The following HEMK2 variants were observed in gnomAD, a reference collection of about 807,000 sequenced individuals.
HEMK2 encodes the protein HemK methyltransferase 2, ETF1 glutamine and histone H4 lysine, also known as methyltransferase HEMK2.
the HEMK2 span, among the ~76,000 whole-genome samples, chr21:28,877,326 A>AAGAG: frequency 1.6e-3 from 205 of 129,380 alleles, 6 homozygotes; most frequent in African/African-American, 5.0e-3. Flanking sequence ...GAAAGAAAGA[A>AAGAG]AAAGAAAGAA....
chr21:28,858,088 TC>T, the HEMK2 span, among the ~76,000 whole-genome samples: 1 of 152,214 alleles, frequency 6.6e-6, no homozygotes, highest in Admixed American at 6.5e-5. Context: ...TACCACATGC[TC>T]CTTTCTTTTT....
the HEMK2 span, among the ~76,000 whole-genome samples, chr21:28,881,685 G>A: frequency 6.9e-6 from 1 of 144,688 alleles, no homozygotes; most frequent in African/African-American, 2.6e-5. Flanking sequence ...AGGCTGGAGT[G>A]CAGTGGCACG....
At chr21:28,677,030 G>A in the HEMK2 span, among the ~76,000 whole-genome samples, 1 of 152,166 alleles carries the variant, frequency 6.6e-6, no homozygotes, top group Non-Finnish European at 1.5e-5. Flanking sequence ...CATCTCACTG[G>A]GGAGTGTCAG....
At chr21:28,840,701 G>C in the HEMK2 span, among the ~76,000 whole-genome samples, 1 of 151,828 alleles carries the variant, frequency 6.6e-6, no homozygotes, top group Non-Finnish European at 1.5e-5. Flanking sequence ...AAAAACAGTA[G>C]ATACTAGAAT....
chr21:28,621,826 T>A, the HEMK2 span, among the ~76,000 whole-genome samples: 6 of 152,226 alleles, frequency 3.9e-5, no homozygotes. Flanking sequence ...GATCTTCAGT[T>A]GCTTCAGGCC....
chr21:28,648,193 C>T, the HEMK2 span, among the ~76,000 whole-genome samples: 757 of 152,308 alleles, frequency 5.0e-3, 6 homozygotes, highest in African/African-American at 0.017. Flanking sequence ...CATGTTTGGA[C>T]ATTACTAAGA....
At chr21:28,768,459 C>G in the HEMK2 span, among the ~76,000 whole-genome samples, 1 of 152,024 alleles carries the variant, frequency 6.6e-6, no homozygotes, top group African/African-American at 2.4e-5. Context: ...TGGAAATACC[C>G]ATTCTTTTTC....
the HEMK2 span, among the ~76,000 whole-genome samples, chr21:28,711,816 G>A: frequency 6.6e-6 from 1 of 152,098 alleles, no homozygotes; most frequent in South Asian, 2.1e-4. Context: ...TCACACTTCT[G>A]GAGGCTGAAA....
At chr21:28,767,413 G>A in the HEMK2 span, among the ~76,000 whole-genome samples, 2 of 149,390 alleles carry the variant, frequency 1.3e-5, no homozygotes, top group Admixed American at 6.6e-5. Context: ...AAACAAAAAG[G>A]GCATGAGATT....
chr21:28,772,896 CA>C, the HEMK2 span, among the ~76,000 whole-genome samples: 5 of 152,142 alleles, frequency 3.3e-5, no homozygotes, highest in Non-Finnish European at 5.9e-5. Context: ...GTGGGAAAGA[CA>C]GCATGTTATT....
chr21:28,750,707 A>AAAAG, the HEMK2 span, among the ~76,000 whole-genome samples: 3 of 151,058 alleles, frequency 2.0e-5, no homozygotes, highest in African/African-American at 7.4e-5. Flanking sequence ...TCTCAAAAAA[A>AAAAG]AAAAAAAAAA....
the HEMK2 span, among the ~76,000 whole-genome samples, chr21:28,785,861 T>C: frequency 6.6e-6 from 1 of 152,330 alleles, no homozygotes; most frequent in East Asian, 1.9e-4. Flanking sequence ...ATTAGCATAT[T>C]TTAGTCCTTC....
chr21:28,630,021 G>A, the HEMK2 span, among the ~76,000 whole-genome samples: 1 of 151,936 alleles, frequency 6.6e-6, no homozygotes, highest in Non-Finnish European at 1.5e-5. Flanking sequence ...CAATTTGTGA[G>A]TATGAGTATT....
chr21:28,704,509 A>C, the HEMK2 span, among the ~76,000 whole-genome samples: 2 of 151,850 alleles, frequency 1.3e-5, no homozygotes, highest in African/African-American at 4.8e-5. Flanking sequence ...AATTTTACTA[A>C]ATATTTTCTT....
chr21:28,588,696 T>C, the HEMK2 span, among the ~76,000 whole-genome samples: 14 of 152,038 alleles, frequency 9.2e-5, 1 homozygote, highest in South Asian at 6.2e-4. Context: ...AGGATCCGGG[T>C]GCGGTGGCTC....
chr21:28,850,951 C>T, the HEMK2 span, among the ~76,000 whole-genome samples: 2 of 152,166 alleles, frequency 1.3e-5, no homozygotes, highest in African/African-American at 2.4e-5. Context: ...GAGCCACTTC[C>T]TCCTGTAACT....
At chr21:28,766,200 T>G in the HEMK2 span, among the ~76,000 whole-genome samples, 2 of 151,958 alleles carry the variant, frequency 1.3e-5, no homozygotes, top group Non-Finnish European at 2.9e-5. Flanking sequence ...AAATACCTAA[T>G]GTAAATGATG....
chr21:28,827,384 A>G, the HEMK2 span, among the ~76,000 whole-genome samples: 2 of 152,014 alleles, frequency 1.3e-5, no homozygotes, highest in Admixed American at 1.3e-4. Context: ...CACTTTTGGG[A>G]AAAAAATAAT....
the HEMK2 span, among the ~76,000 whole-genome samples, chr21:28,828,534 C>T: frequency 6.6e-6 from 1 of 152,162 alleles, no homozygotes; most frequent in Non-Finnish European, 1.5e-5. Context: ...ATTGAAGCAG[C>T]CTTCAGTTTT....
Sources: allele counts gnomAD v4.1 joint callset (sites outside exome capture counted in the v4.1 genomes callset), GRCh38; gene constraint gnomAD v4.1.1; transcripts MANE v1.5; gene names NCBI Gene and HGNC (gene_info 2026-07-23, HGNC 2026-07-21).